NDST4: variants seen among roughly 807,000 people sequenced by gnomAD.
NDST4 encodes N-deacetylase and N-sulfotransferase 4.
NDST4 carries 63 observed loss-of-function variants against 100.8 expected under a neutral mutation model. That is an observed-to-expected ratio of 0.62 (90% CI 0.51 to 0.77). The LOEUF (loss-of-function observed/expected upper bound fraction) is 0.77, where lower values mean the gene tolerates loss of function less well. NDST4 is among the 30% of genes least tolerant of loss of function. The probability of loss-of-function intolerance (pLI) is 0.00; values close to 1 mark genes in which losing one functional copy is unlikely to be tolerated. For missense variants in NDST4, 943 were observed against 1,018.4 expected, an observed-to-expected ratio of 0.93 and a Z score of 1.01; for synonymous variants, 377 against 361.8, an observed-to-expected ratio of 1.04 and a Z score of -0.48.
chr4:115,110,735 C>T (rs1283518550), intron 1 of NDST4, among the ~76,000 whole-genome samples: 1 of 151,742 alleles, frequency 6.6e-6, no homozygotes. Context: ...TGCATTTTTT[C>T]AACAGAGCAA....
chr4:114,938,900 C>T (rs1725689722), intron 4 of NDST4, among the ~76,000 whole-genome samples: 1 of 152,154 alleles, frequency 6.6e-6, no homozygotes, highest in South Asian at 2.1e-4. Context: ...GAAATCAATG[C>T]TGTAAAATGA....
intron 7 of NDST4, among the ~76,000 whole-genome samples, chr4:114,856,132 G>A (rs1448059592): frequency 1.3e-5 from 2 of 151,202 alleles, no homozygotes; most frequent in African/African-American, 2.4e-5. Flanking sequence ...GTGCCAACTC[G>A]GCTCACTGCA....
At chr4:115,043,558 G>A (rs1728399009) in intron 2 of NDST4, among the ~76,000 whole-genome samples, 1 of 152,010 alleles carries the variant, frequency 6.6e-6, no homozygotes, top group South Asian at 2.1e-4. Context: ...GAGTGAGGAA[G>A]ATAAGAACAT....
chr4:114,935,203 T>C lies in NDST4; in HGVS notation c.1536+3A>G. ...TTGTAAGGTGCATACATAGAATACA[T>C]ACTGGGTTTAGAAGGATTGTGAGAA... On this transcript the variant is annotated splice_donor_region_variant and intron_variant, in intron 6 of 13. Coordinates refer to ENST00000264363, the MANE Select transcript of NDST4 (RefSeq NM_022569.3). 2 of 1,599,234 alleles carry C rather than the reference T, an allele frequency of 1.3e-6. No individual in the cohort carries two copies. Among genetic ancestry groups the C allele is most frequent in the Admixed American group, 1.7e-5 (1 of 57,218 alleles).
intron 2 of NDST4, among the ~76,000 whole-genome samples, chr4:115,018,426 T>C (rs964452721): frequency 2.6e-5 from 4 of 151,964 alleles, no homozygotes; most frequent in Non-Finnish European, 1.5e-5. Context: ...TTCTTAATAA[T>C]ATGTATTTTA....
chr4:114,898,484 T>C (rs1724765413), intron 6 of NDST4, among the ~76,000 whole-genome samples: 1 of 152,202 alleles, frequency 6.6e-6, no homozygotes, highest in Admixed American at 6.5e-5. Flanking sequence ...AGTCGGGTAG[T>C]GTCCGTGCTT....
chr4:114,918,009 G>C (rs1234374899), intron 6 of NDST4, among the ~76,000 whole-genome samples: 2 of 152,086 alleles, frequency 1.3e-5, no homozygotes, highest in African/African-American at 4.8e-5. Context: ...ACTGAAGATG[G>C]CTTGGATATC....
intron 4 of NDST4, among the ~76,000 whole-genome samples, chr4:114,957,393 T>C (rs1362662153): frequency 6.6e-6 from 1 of 152,140 alleles, no homozygotes; most frequent in East Asian, 1.9e-4. Flanking sequence ...CATGAGATTA[T>C]TCACTATCAA....
chr4:115,037,180 G>GA (rs200261418), intron 2 of NDST4, among the ~76,000 whole-genome samples: 1 of 151,766 alleles, frequency 6.6e-6, no homozygotes, highest in Non-Finnish European at 1.5e-5. Context: ...CTTCCTGAAA[G>GA]AAAAAAAGAT....
intron 2 of NDST4, among the ~76,000 whole-genome samples, chr4:115,050,721 T>C (rs1728564549): frequency 6.6e-6 from 1 of 152,108 alleles, no homozygotes; most frequent in South Asian, 2.1e-4. Flanking sequence ...ACAGGCACAG[T>C]TTGTGAGGTC....
chr4:114,895,027 A>G (rs991297077), intron 6 of NDST4, among the ~76,000 whole-genome samples: 2 of 152,190 alleles, frequency 1.3e-5, no homozygotes, highest in African/African-American at 4.8e-5. Context: ...TGCCCACATC[A>G]GAAAGCTAGA....
At chr4:114,987,899 C>G (rs1015939573) in intron 2 of NDST4, among the ~76,000 whole-genome samples, 4 of 152,092 alleles carry the variant, frequency 2.6e-5, no homozygotes, top group Non-Finnish European at 5.9e-5. Context: ...ATGATCTCCT[C>G]TATTGAATAT....
intron 2 of NDST4, among the ~76,000 whole-genome samples, chr4:114,997,195 A>C (rs115088598): frequency 2.0e-5 from 3 of 152,096 alleles, no homozygotes; most frequent in Non-Finnish European, 4.4e-5. Context: ...CCAAAGCCCT[A>C]TTGCAAAACT....
chr4:114,831,889 T>A (rs1257716856), intron 12 of NDST4, among the ~76,000 whole-genome samples: 6 of 152,184 alleles, frequency 3.9e-5, no homozygotes, highest in Non-Finnish European at 7.3e-5. Flanking sequence ...AATTGTGAAA[T>A]TAAGATGCAA....
intron 2 of NDST4, among the ~76,000 whole-genome samples, chr4:115,008,187 G>A (rs1401927010): frequency 7.7e-6 from 1 of 129,460 alleles, no homozygotes; most frequent in Non-Finnish European, 1.7e-5. Context: ...TTTAATTGGA[G>A]CATTTAGGCC....
intron 6 of NDST4, among the ~76,000 whole-genome samples, chr4:114,890,031 T>G (rs964924180): frequency 3.3e-5 from 5 of 152,178 alleles, no homozygotes; most frequent in Admixed American, 6.6e-5. Context: ...ACCCCAATGC[T>G]TTATATCACT....
Position 114,937,492 on chromosome 4 carries a change from T to C in NDST4, c.1233A>G (p.Ile411Met). ...LNKEFALEHG[I>M]PINMGYAVAP... is the part of the protein sequence containing the mutation. ...CCACAGCATAGCCCATGTTGATTGG[T>C]ATTCCATGTTCCTAAAACAAAGCCA... is the stretch of plus-strand genomic sequence containing the variant. Residue 411 changes from isoleucine (I) to methionine (M), a missense_variant, in exon 5 of 14, where the codon ATA becomes ATG. Around this residue, in one of 2 missense-constraint regions of NDST4, gnomAD observed 526 missense variants for 634.1 expected, o/e 0.83. Coordinates refer to ENST00000264363, the MANE Select transcript of NDST4 (RefSeq NM_022569.3). 1.3e-6 allele frequency: 2 copies of C among 1,563,380 alleles called. No homozygotes were observed. Among genetic ancestry groups the C allele is most frequent in the South Asian group, 2.4e-5 (2 of 82,800 alleles).
chr4:114,839,130 T>G (rs1723371216), intron 11 of NDST4, among the ~76,000 whole-genome samples: 3 of 152,290 alleles, frequency 2.0e-5, no homozygotes, highest in Admixed American at 1.3e-4. Flanking sequence ...AAGAATGTGT[T>G]TTAGAGATAT....
intron 2 of NDST4, among the ~76,000 whole-genome samples, chr4:115,062,219 T>C (rs1463115815): frequency 6.6e-6 from 1 of 152,034 alleles, no homozygotes; most frequent in Non-Finnish European, 1.5e-5. Context: ...AACTAGAATT[T>C]TTAAGCAAGG....
Sources: allele counts gnomAD v4.1 joint callset (sites outside exome capture counted in the v4.1 genomes callset), GRCh38; gene constraint gnomAD v4.1.1; regional missense constraint gnomAD v4.1.1; transcripts MANE v1.5; gene names NCBI Gene and HGNC (gene_info 2026-07-23, HGNC 2026-07-21).